The following NOXRED1 variants were observed in gnomAD, a reference collection of about 807,000 sequenced individuals.
The protein encoded by NOXRED1 is NADP-dependent oxidoreductase domain-containing protein 1.
A neutral mutation model predicts 30.4 loss-of-function variants in NOXRED1; 20 were observed. The ratio of observed to expected loss-of-function variants is 0.66; its 90% CI spans 0.46 to 0.96. The LOEUF is 0.96. Among genes scored for constraint, NOXRED1 ranks in the 40% least tolerant of loss-of-function variants. The pLI, the probability that NOXRED1 is intolerant of heterozygous loss-of-function variation, is 0.00. For synonymous variants in NOXRED1, 155 were observed against 168.0 expected, an observed-to-expected ratio of 0.92 and a Z score of 0.60; for missense variants, 374 against 428.0, an observed-to-expected ratio of 0.87 and a Z score of 1.11.
intron 1 of NOXRED1, among the ~76,000 whole-genome samples, chr14:77,417,664 C>G (rs1594881092): frequency 6.6e-6 from 1 of 152,218 alleles, no homozygotes; most frequent in African/African-American, 2.4e-5. Flanking sequence ...TGTGTCCTAA[C>G]ATCTAAAGTG....
At chr14:77,419,070 CTTT>C (rs547826435) in intron 1 of NOXRED1, among the ~76,000 whole-genome samples, 1 of 139,218 alleles carries the variant, frequency 7.2e-6, no homozygotes, top group Non-Finnish European at 1.5e-5. Context: ...CTTTCTTTCT[CTTT>C]TTTTTTTTTT....
intron 2 of NOXRED1, among the ~76,000 whole-genome samples, chr14:77,408,892 A>ATTGTTTTTTTTTTTTTTTTTTTT (rs1894556100): frequency 1.5e-5 from 1 of 68,154 alleles, no homozygotes; most frequent in Admixed American, 2.9e-4. Flanking sequence ...CTGGTAGTTA[A>ATTGTTTTTTTTTTTTTTTTTTTT]TTTTTTTTTT....
chr14:77,405,872 T>G, intron 5 of NOXRED1, 41 bp downstream of exon 5: 1 of 1,175,362 alleles, frequency 8.5e-7, no homozygotes, highest in South Asian at 1.2e-5. Flanking sequence ...AAGAGAAGAG[T>G]CTGGGAGAAA....
At position 77,413,527 on chromosome 14, in the gene NOXRED1, G is replaced by A. The variant is rs561476705; in HGVS notation, c.349+407C>T. On this transcript the variant is annotated intron_variant, in intron 2 of 5. Transcript: ENST00000380835. ...GCTGTGATTACAGGCGTGAGCCACC[G>A]CGCCCGACCACAAAACATTTTTTTA... is the stretch of plus-strand genomic sequence containing the variant. Among the ~76,000 whole-genome samples the A allele has an allele frequency of 8.6e-4, 131 of 152,154 alleles. No homozygotes were observed. In the Middle Eastern group the frequency reaches 0.01, roughly 12 times the overall value.
chr14:77,412,496 G>C (rs1017662030), intron 2 of NOXRED1, among the ~76,000 whole-genome samples: 1 of 152,032 alleles, frequency 6.6e-6, no homozygotes, highest in African/African-American at 2.4e-5. Flanking sequence ...AAGTGGAGGG[G>C]CTTAACATCA....
At chr14:77,425,254 C>T (rs1398469496), upstream of NOXRED1, among the ~76,000 whole-genome samples, 1 of 152,184 alleles carries the variant, frequency 6.6e-6, no homozygotes, top group African/African-American at 2.4e-5. Flanking sequence ...ACACACCCTC[C>T]AGCTGCCATA....
intron 1 of NOXRED1, among the ~76,000 whole-genome samples, chr14:77,416,331 T>C (rs1316944138): frequency 1.3e-5 from 2 of 152,318 alleles, no homozygotes; most frequent in Middle Eastern, 3.4e-3. Context: ...CTGGTTTTCC[T>C]AGGCAGAGGA....
chr14:77,406,496 A>C (rs1387069645), intron 4 of NOXRED1: 3 of 614,988 alleles, frequency 4.9e-6, no homozygotes, highest in Non-Finnish European at 8.7e-6. Context: ...GAAATAAGCT[A>C]TCTCCTCTTT....
chr14:77,418,735 C>G (rs139572457), intron 1 of NOXRED1, among the ~76,000 whole-genome samples: 73 of 151,802 alleles, frequency 4.8e-4, no homozygotes, highest in African/African-American at 1.7e-3. Flanking sequence ...CCCTATGTTG[C>G]CCAGGCTAGT....
chr14:77,415,041 T>C (rs1369448370), intron 1 of NOXRED1, among the ~76,000 whole-genome samples: 1 of 151,842 alleles, frequency 6.6e-6, no homozygotes, highest in Non-Finnish European at 1.5e-5. Flanking sequence ...CCAGGTATGG[T>C]GGTGCACACC....
chr14:77,394,633 A>T lies in NOXRED1; in HGVS notation c.1078T>A (p.Ter360LysextTer21). 1 of 1,610,238 alleles carries T rather than the reference A, an allele frequency of 6.2e-7. No individual in the cohort carries two copies. The highest frequency in any genetic ancestry group is 8.5e-7 in the Non-Finnish European group (1 of 1,177,732). ...AAAATCCTGATTCCTGAGTTCTCTT[A>T]TTGGGATGGAAAGCCTGTGGAAATG... ...PVISTGFPSQ[*>K] is the part of the protein sequence containing the mutation. Residue 360 changes from the stop codon to lysine, a stop_lost, in exon 6 of 6, where the codon TAA (stop) becomes AAA (lysine). Transcript: ENST00000380835.
At chr14:77,410,191 C>T (rs927184783) in intron 2 of NOXRED1, among the ~76,000 whole-genome samples, 1 of 151,956 alleles carries the variant, frequency 6.6e-6, no homozygotes, top group African/African-American at 2.4e-5. Flanking sequence ...CCTGCACTTT[C>T]AGAGGGTGAA....
chr14:77,395,197 C>T (rs2139658814), intron 5 of NOXRED1, among the ~76,000 whole-genome samples: 2 of 151,064 alleles, frequency 1.3e-5, no homozygotes, highest in East Asian at 2.0e-4. Context: ...GCTCTACCTC[C>T]CAGGTTCATG....
chr14:77,399,089 C>T (rs1894258028), intron 5 of NOXRED1, among the ~76,000 whole-genome samples: 1 of 151,988 alleles, frequency 6.6e-6, no homozygotes, highest in East Asian at 1.9e-4. Flanking sequence ...CACCAAAACC[C>T]ACAATTTGAA....
At chr14:77,410,666 A>T (rs1474510375) in intron 2 of NOXRED1, among the ~76,000 whole-genome samples, 2 of 152,170 alleles carry the variant, frequency 1.3e-5, no homozygotes, top group Non-Finnish European at 2.9e-5. Context: ...TAAGTAAGAA[A>T]AATACAGGCA....
In NOXRED1 at chr14:77,406,170, A is replaced by G. The variant is rs751711391; in HGVS notation, c.683-35T>C. The G allele has an allele frequency of 3.4e-6, 5 of 1,465,732 alleles. No homozygotes were observed. In the South Asian group the frequency reaches 5.8e-5, roughly 17 times the overall value. 90.8% of individuals were successfully genotyped at this position (1,465,732 alleles called of 1,614,324 possible). On this transcript the variant is annotated intron_variant, in intron 4 of 5. Coordinates refer to ENST00000380835, the MANE Select transcript of NOXRED1 (RefSeq NM_001113475.3). Reference sequence around the variant, plus strand: ...AATGAGAAGGTAAATACCAGTTAGCACCACCAAAAATGAGTTGCAGAAAAC... The same window carrying G: ...AATGAGAAGGTAAATACCAGTTAGCGCCACCAAAAATGAGTTGCAGAAAAC...
rs140935525 is a variant in NOXRED1, at chr14:77,408,160, G to A, written c.350-515C>T. ...AGGGATTACAGGCGTGAGCCACCAC[G>A]CCTGGCCTATAATTCACCTTTATCT... On this transcript the variant is annotated intron_variant, in intron 2 of 5. Coordinates refer to ENST00000380835, the MANE Select transcript of NOXRED1 (RefSeq NM_001113475.3). 8.8e-3 allele frequency among the ~76,000 whole-genome samples: 1,339 copies of A among 152,078 alleles called. 19 individuals carry two copies. The highest frequency in any genetic ancestry group is 0.037 in the South Asian group (180 of 4,820).
intron 2 of NOXRED1, among the ~76,000 whole-genome samples, chr14:77,408,892 A>ATTTTATTTTTTTTTTTT (rs1894556436): frequency 1.5e-5 from 1 of 68,154 alleles, no homozygotes; most frequent in Non-Finnish European, 2.7e-5. Context: ...CTGGTAGTTA[A>ATTTTATTTTTTTTTTTT]TTTTTTTTTT....
rs747599930 is a variant in NOXRED1 at position 77,407,487 on chromosome 14, C to T, written c.508G>A (p.Val170Ile). The stretch of plus-strand genomic sequence containing the variant: ...TACCTGGGTAGTGGGATGGCAGCTA[C>T]AAAGCTGTACACAATGCTGGCCTTC... ...LEKASIVYSF[V>I]AAIPLPRLKL... The change falls in exon 3 of 6, where the codon GTA becomes ATA. Residue 170 changes from valine to isoleucine, a missense_variant. By Grantham distance (29) the Val-to-Ile change is conservative. Transcript: ENST00000380835. 2 of 1,613,996 alleles carry T rather than the reference C, an allele frequency of 1.2e-6. No individual in the cohort carries two copies. Among genetic ancestry groups the T allele is most frequent in the South Asian group, 1.1e-5 (1 of 91,082 alleles).
Sources: allele counts gnomAD v4.1 joint callset (sites outside exome capture counted in the v4.1 genomes callset), GRCh38; gene constraint gnomAD v4.1.1; transcripts MANE v1.5; gene names NCBI Gene and HGNC (gene_info 2026-07-23, HGNC 2026-07-21).